GPC6: variants seen among roughly 807,000 people sequenced by gnomAD.
GPC6 encodes the protein glypican-6.
In GPC6, 14 loss-of-function variants were observed where a neutral mutation model predicts 55.2. The observed-to-expected ratio is 0.25, with a 90% CI of 0.17 to 0.40. The LOEUF (loss-of-function observed/expected upper bound fraction) is 0.40. Among genes scored for constraint, GPC6 ranks in the 10% least tolerant of loss-of-function variants. The pLI is 1.00. For missense variants in GPC6, 641 were observed against 708.5 expected (o/e 0.90, Z 1.08); for synonymous variants, 278 against 259.6 (o/e 1.07, Z -0.68).
intron 4 of GPC6, among the ~76,000 whole-genome samples, chr13:94,230,923 G>T (rs1890704742): frequency 6.6e-6 from 1 of 152,042 alleles, no homozygotes; most frequent in Non-Finnish European, 1.5e-5. Context: ...CATTTTTCAG[G>T]TGAAGAGTCT....
At position 93,274,906 on chromosome 13, in the gene GPC6, G is replaced by A. The variant is rs139124078; in HGVS notation, c.160+47290G>A. 3.4e-3 allele frequency among the ~76,000 whole-genome samples: 510 copies of A among 152,120 alleles called. 5 individuals carry two copies. Among genetic ancestry groups the A allele is most frequent in the African/African-American group, 0.011 (462 of 41,488 alleles). ...CATAGTAATGTTATATCACAAATTAGGGTCTTACCTAAGATTGCATAAAAG... is the reference window on the plus strand; with the variant it reads ...CATAGTAATGTTATATCACAAATTAAGGTCTTACCTAAGATTGCATAAAAG... On this transcript the variant is annotated intron_variant, in intron 1 of 8. Transcript: ENST00000377047.
intron 1 of GPC6, among the ~76,000 whole-genome samples, chr13:93,356,619 C>T (rs1048530604): frequency 2.0e-5 from 3 of 152,162 alleles, no homozygotes; most frequent in Admixed American, 6.5e-5. Context: ...TGACTGAATG[C>T]GGTTGGTTAT....
intron 3 of GPC6, among the ~76,000 whole-genome samples, chr13:93,948,770 G>A (rs531659319): frequency 2.0e-5 from 3 of 152,298 alleles, no homozygotes; most frequent in Admixed American, 1.3e-4. Flanking sequence ...ATGTGATGAT[G>A]GAGATGTTTT....
At chr13:94,300,623 A>G (rs951284115) in intron 5 of GPC6, among the ~76,000 whole-genome samples, 2 of 152,210 alleles carry the variant, frequency 1.3e-5, no homozygotes, top group Non-Finnish European at 2.9e-5. Context: ...CAAGTCAGCT[A>G]GGTGGAAGGA....
intron 3 of GPC6, among the ~76,000 whole-genome samples, chr13:93,985,172 C>T (rs149378662): frequency 2.6e-5 from 4 of 152,242 alleles, no homozygotes; most frequent in South Asian, 2.1e-4. Flanking sequence ...CAGGGGCTCA[C>T]GCTTGTAATC....
intron 3 of GPC6, among the ~76,000 whole-genome samples, chr13:93,966,847 G>A (rs1880069599): frequency 6.6e-6 from 1 of 151,768 alleles, no homozygotes; most frequent in South Asian, 2.1e-4. Flanking sequence ...CAGTGATGGG[G>A]TCTTGCTATG....
intron 4 of GPC6, among the ~76,000 whole-genome samples, chr13:94,130,553 G>C (rs1488091909): frequency 6.6e-6 from 1 of 152,142 alleles, no homozygotes; most frequent in Non-Finnish European, 1.5e-5. Context: ...GAGGAAAGGA[G>C]AATGGGACCA....
chr13:93,459,019 A>C (rs547837399), intron 1 of GPC6, among the ~76,000 whole-genome samples: 2 of 152,284 alleles, frequency 1.3e-5, no homozygotes, highest in African/African-American at 4.8e-5. Context: ...TCTTCATATA[A>C]TTTTAAGGGA....
intron 4 of GPC6, among the ~76,000 whole-genome samples, chr13:94,118,726 T>C (rs1886521170): frequency 6.6e-6 from 1 of 152,152 alleles, no homozygotes; most frequent in Non-Finnish European, 1.5e-5. Context: ...TGAACTAGTT[T>C]AAGTTCCTGC....
intron 1 of GPC6, among the ~76,000 whole-genome samples, chr13:93,496,255 G>A (rs867880133): frequency 5.3e-5 from 8 of 152,296 alleles, no homozygotes; most frequent in Non-Finnish European, 8.8e-5. Flanking sequence ...GGTCTGAAAA[G>A]CACAATATTC....
At chr13:93,247,661 G>A (rs1446616879) in intron 1 of GPC6, among the ~76,000 whole-genome samples, 2 of 151,998 alleles carry the variant, frequency 1.3e-5, no homozygotes, top group African/African-American at 4.8e-5. Context: ...TTACCACATG[G>A]CCCTCATAAA....
chr13:93,250,187 T>C (rs981887387), intron 1 of GPC6, among the ~76,000 whole-genome samples: 78 of 152,324 alleles, frequency 5.1e-4, no homozygotes, highest in African/African-American at 1.7e-3. Flanking sequence ...AATGAACACT[T>C]CTAAAGCTCT....
At chr13:93,340,096 C>T (rs1173602896) in intron 1 of GPC6, among the ~76,000 whole-genome samples, 14 of 124,520 alleles carry the variant, frequency 1.1e-4, no homozygotes, top group Admixed American at 2.2e-4. Flanking sequence ...AGTGCAGTGG[C>T]GCGATCTCGG....
chr13:93,668,607 A>G (rs1304572111), intron 2 of GPC6, among the ~76,000 whole-genome samples: 2 of 152,146 alleles, frequency 1.3e-5, no homozygotes, highest in Non-Finnish European at 2.9e-5. Flanking sequence ...AGCCATGCGA[A>G]AGGAGACCGC....
In GPC6 at chr13:94,406,678, C is replaced by G. The variant is rs1046574442; in HGVS notation, c.*3461C>G. 3 of 152,100 alleles carry G rather than the reference C, an allele frequency of 2.0e-5. No homozygotes were observed. Among genetic ancestry groups the G allele is most frequent in the African/African-American group, 7.2e-5 (3 of 41,428 alleles). 9.4% of individuals were successfully genotyped at this position (152,100 alleles called of 1,614,324 possible). ...TTATATTCCCTGCTGCAGACATTAG[C>G]CTTCTTTAATTCTTTTGCCATTACA... On this transcript the variant is annotated 3_prime_UTR_variant, in exon 9 of 9. Coordinates refer to ENST00000377047, the MANE Select transcript of GPC6 (RefSeq NM_005708.5).
intron 1 of GPC6, among the ~76,000 whole-genome samples, chr13:93,404,655 TAGTC>T (rs1876219360): frequency 6.6e-6 from 1 of 152,170 alleles, no homozygotes; most frequent in African/African-American, 2.4e-5. Context: ...TGATTAAACA[TAGTC>T]AGGAAAAATT....
chr13:94,293,446 C>G (rs1272079331), intron 5 of GPC6, among the ~76,000 whole-genome samples: 1 of 152,186 alleles, frequency 6.6e-6, no homozygotes, highest in Non-Finnish European at 1.5e-5. Context: ...ATAAGACACG[C>G]CTGCTTCTCC....
chr13:93,801,141 C>T (rs1236458761), intron 2 of GPC6, among the ~76,000 whole-genome samples: 1 of 152,154 alleles, frequency 6.6e-6, no homozygotes, highest in Non-Finnish European at 1.5e-5. Context: ...CCTGAATAGA[C>T]ACTTGCAATG....
Position 93,819,434 on chromosome 13 carries a change from G to GA in GPC6, c.320-10711dup, listed in dbSNP as rs199622647. Among the ~76,000 whole-genome samples, 317 of 150,716 alleles carry GA rather than the reference G, an allele frequency of 2.1e-3. 2 individuals carry two copies. The highest frequency in any genetic ancestry group is 0.018 in the South Asian group (87 of 4,788). On this transcript the variant is annotated intron_variant, in intron 2 of 8. Transcript: ENST00000377047. ...AAACCTAATTGCCTCTTACAGTTGA[G>GA]AAAAAAAAAGCTGGGAATGATTTTA...
Sources: gnomAD v4.1 joint callset for allele counts (sites outside exome capture counted in the v4.1 genomes callset) on GRCh38, gnomAD v4.1.1 for gene constraint, MANE v1.5 for transcripts, NCBI Gene and HGNC (gene_info 2026-07-23, HGNC 2026-07-21) for gene names.